The following PADI4 variants were observed in gnomAD, a reference collection of about 807,000 sequenced individuals.
PADI4 encodes the protein protein-arginine deiminase type-4.
A neutral mutation model predicts 75.0 loss-of-function variants in PADI4; 62 were observed. The observed-to-expected ratio is 0.83, with a 90% CI of 0.67 to 1.02. The LOEUF (loss-of-function observed/expected upper bound fraction) is 1.02, where lower values mean the gene tolerates loss of function less well. PADI4 is among the 50% of genes least tolerant of loss of function. The pLI, the probability that PADI4 is intolerant of heterozygous loss-of-function variation, is 0.00. For synonymous variants in PADI4, 361 were observed against 348.1 expected (o/e 1.04, Z -0.41); for missense variants, 845 against 850.5 (o/e 0.99, Z 0.08).
intron 1 of PADI4, among the ~76,000 whole-genome samples, chr1:17,311,792 T>C (rs1378935497): frequency 6.6e-6 from 1 of 152,182 alleles, no homozygotes; most frequent in Non-Finnish European, 1.5e-5. Flanking sequence ...CCCAAAGTGC[T>C]GGGATTACAG....
chr1:17,360,277 TGA>T (rs752039070), intron 15 of PADI4, among the ~76,000 whole-genome samples: 15 of 145,590 alleles, frequency 1.0e-4, no homozygotes, highest in Admixed American at 4.9e-4. Flanking sequence ...GGTAACAGAG[TGA>T]GACTTTGTCT....
chr1:17,362,023 T>G (rs183042500), intron 15 of PADI4, among the ~76,000 whole-genome samples: 121 of 152,102 alleles, frequency 8.0e-4, no homozygotes, highest in Middle Eastern at 3.4e-3. Flanking sequence ...TAGAAAGAGT[T>G]TACCAGAAGG....
chr1:17,316,266 C>G (rs1007925146), intron 1 of PADI4, among the ~76,000 whole-genome samples: 2 of 151,698 alleles, frequency 1.3e-5, no homozygotes, highest in Admixed American at 1.3e-4. Flanking sequence ...TGGTGGTGCA[C>G]GTCTGTAGTC....
chr1:17,360,161 G>T (rs2074828631), intron 15 of PADI4, among the ~76,000 whole-genome samples: 1 of 152,118 alleles, frequency 6.6e-6, no homozygotes, highest in Non-Finnish European at 1.5e-5. Flanking sequence ...TGTCCTGGCA[G>T]GAGCCTGTAA....
chr1:17,322,285 T>C, intron 1 of PADI4, among the ~76,000 whole-genome samples: 1 of 152,180 alleles, frequency 6.6e-6, no homozygotes, highest in East Asian at 1.9e-4. Context: ...GTCAGGAGTT[T>C]GAGACCAGCC....
intron 10 of PADI4, among the ~76,000 whole-genome samples, chr1:17,352,034 G>A (rs866451952): frequency 0.02 from 908 of 46,528 alleles, 89 homozygotes; most frequent in Admixed American, 0.035. Context: ...GGGAGGTGAT[G>A]GGAGGAGAGG....
chr1:17,359,444 G>A (rs2074818466), intron 15 of PADI4, 36 bp downstream of exon 15: 4 of 1,612,994 alleles, frequency 2.5e-6, no homozygotes, highest in Middle Eastern at 1.7e-4. Flanking sequence ...CCAGGGTGTG[G>A]CATGGAGGTA....
rs115603494 is a variant in PADI4, at chr1:17,350,901, C to T, written c.1155+2853C>T. Among the ~76,000 whole-genome samples, 641 of 127,946 alleles carry T rather than the reference C, an allele frequency of 5.0e-3. 149 individuals are homozygous for T. The highest frequency in any genetic ancestry group is 8.4e-3 in the Non-Finnish European group (474 of 56,522). The allele number at this position is 127,946 out of a possible 152,430, so 83.9% of individuals were successfully genotyped here. On this transcript the variant is annotated intron_variant, in intron 10 of 15. Coordinates refer to ENST00000375448, the MANE Select transcript of PADI4 (RefSeq NM_012387.3). ...CCTTAGAAGGGGATGTCAAGAGCTA[C>T]AGGTGCCAGGTGTGGTGGCTCATAC...
intron 1 of PADI4, among the ~76,000 whole-genome samples, chr1:17,313,361 C>T (rs1370202497): frequency 4.0e-5 from 6 of 150,810 alleles, no homozygotes; most frequent in African/African-American, 1.2e-4. Flanking sequence ...CTTAGCCAGG[C>T]GTGGTGGTGC....
rs769216858 is a variant in PADI4, at chr1:17,355,996, C to A, written c.1324C>A (p.Gln442Lys). Residue 442 changes from glutamine to lysine, a missense_variant, in exon 12 of 16, where the codon CAG becomes AAG. Transcript: ENST00000375448. ...CTGCCATGACAGCAATGACAGCCGG[C>A]AGATGCACCAGGCCCTGCAGGACTT... ...DSCYPSNDSR[Q>K]MHQALQDFLS... is the part of the protein sequence containing the mutation. 8.7e-6 allele frequency: 14 copies of A among 1,614,086 alleles called. No individual in the cohort carries two copies. The African/African-American group carries it at 1.9e-4, about 22-fold the overall frequency.
At position 17,308,951 on chromosome 1, in the gene PADI4, C is replaced by G. The variant is rs1458100244; in HGVS notation, c.92+637C>G. On this transcript the variant is annotated intron_variant, in intron 1 of 15. Transcript: ENST00000375448. ...GCAGATGTTGGCTGAGTACTTAGCACAGTGGTGGGCCCATCCTTGGTAGTT... is the reference window on the plus strand; with the variant it reads ...GCAGATGTTGGCTGAGTACTTAGCAGAGTGGTGGGCCCATCCTTGGTAGTT... Among the ~76,000 whole-genome samples, 3 of 152,180 alleles carry G rather than the reference C, an allele frequency of 2.0e-5. No individual in the cohort carries two copies. The South Asian group carries it at 6.2e-4, about 32-fold the overall frequency.
intron 1 of PADI4, among the ~76,000 whole-genome samples, chr1:17,320,626 T>A (rs113089436): frequency 0.016 from 2,481 of 152,264 alleles, 25 homozygotes; most frequent in Non-Finnish European, 0.024. Context: ...GGTGGGAGTG[T>A]CTTTTAGCAT....
chr1:17,346,851 C>T lies in PADI4; in HGVS notation c.1047+712C>T, dbSNP rs1184917851. ...GGTGAATCCCAGCACAAATGCTCCT[C>T]GTCCATAAATTTCCCCCATCACCCC... On this transcript the variant is annotated intron_variant, in intron 9 of 15. Transcript: ENST00000375448. The surrounding 1 kb of genome is among the most constrained non-coding windows in gnomAD (Gnocchi z 4.3). 6.6e-6 allele frequency among the ~76,000 whole-genome samples: 1 copy of T among 152,118 alleles called. No individual in the cohort carries two copies. Among genetic ancestry groups the T allele is most frequent in the Non-Finnish European group, 1.5e-5 (1 of 68,026 alleles).
intron 10 of PADI4, 34 bp from the exon 11 acceptor site, chr1:17,354,499 C>A (rs1371466454): frequency 6.2e-7 from 1 of 1,611,208 alleles, no homozygotes; most frequent in African/African-American, 1.3e-5. Context: ...GACCTCATTC[C>A]TCTAACTCTT....
intron 1 of PADI4, among the ~76,000 whole-genome samples, chr1:17,324,209 G>C (rs2074083098): frequency 7.0e-6 from 1 of 143,718 alleles, no homozygotes; most frequent in Admixed American, 7.2e-5. Flanking sequence ...CAGTGTGTTA[G>C]AGTTTCTGTT....
At chr1:17,347,689 GCA>G (rs1448379254) in intron 9 of PADI4, among the ~76,000 whole-genome samples, 1 of 152,076 alleles carries the variant, frequency 6.6e-6, no homozygotes, top group Non-Finnish European at 1.5e-5. Flanking sequence ...GGGGTCCCCA[GCA>G]CTGGCCCAGG....
chr1:17,311,483 G>A (rs1454658147), intron 1 of PADI4, among the ~76,000 whole-genome samples: 1 of 151,796 alleles, frequency 6.6e-6, no homozygotes, highest in Non-Finnish European at 1.5e-5. Context: ...TTCAGAAGCT[G>A]CCATCTATGG....
At chr1:17,362,710 GA>G (rs1486633685) in intron 15 of PADI4, among the ~76,000 whole-genome samples, 1 of 152,164 alleles carries the variant, frequency 6.6e-6, no homozygotes, top group African/African-American at 2.4e-5. Flanking sequence ...AAATAAATAA[GA>G]GTATGGAACT....
chr1:17,323,025 G>T (rs576420580), intron 1 of PADI4, among the ~76,000 whole-genome samples: 1 of 152,308 alleles, frequency 6.6e-6, no homozygotes, highest in South Asian at 2.1e-4. Flanking sequence ...TCATAATCAA[G>T]GTATTGGTAG....
Sources: gnomAD v4.1 joint callset for allele counts (sites outside exome capture counted in the v4.1 genomes callset) on GRCh38, gnomAD v4.1.1 for gene constraint, Gnocchi (gnomAD v3.1) non-coding constraint, MANE v1.5 for transcripts, NCBI Gene and HGNC (gene_info 2026-07-23, HGNC 2026-07-21) for gene names.